Variants in EP300 observed in about 807,000 individuals in gnomAD.
EP300 encodes the protein EP300 lysine acetyltransferase.
In EP300, 31 loss-of-function variants were observed where a neutral mutation model predicts 264.0. That is an observed-to-expected ratio of 0.12 (90% CI 0.09 to 0.16). EP300 has a LOEUF of 0.16. Ranked by LOEUF, EP300 falls within the 10% of genes least tolerant of loss-of-function variation. The pLI, the probability that EP300 is intolerant of heterozygous loss-of-function variation, is 1.00. For missense variants in EP300, 2,766 were observed against 3,052.9 expected (o/e 0.91, Z 2.21); for synonymous variants, 1,340 against 1,045.4 (o/e 1.28, Z -5.44).
chr22:41,165,654 C>A (rs2059130017), intron 22 of EP300, among the ~76,000 whole-genome samples: 2 of 152,200 alleles, frequency 1.3e-5, no homozygotes, highest in South Asian at 4.1e-4. Context: ...AACTCCCGAC[C>A]TCAGGTGATC....
intron 19 of EP300, 102 bp from the exon 20 acceptor site, chr22:41,160,540 G>A (rs751734947): frequency 9.0e-5 from 90 of 1,001,574 alleles, no homozygotes; most frequent in South Asian, 6.0e-4. Context: ...CTCTGCTCCC[G>A]TCCCCCTCCT....
At chr22:41,108,659 C>T (rs560013138) in intron 1 of EP300, among the ~76,000 whole-genome samples, 117 of 152,236 alleles carry the variant, frequency 7.7e-4, no homozygotes, top group Middle Eastern at 3.4e-3. Flanking sequence ...AAATACTGCT[C>T]CTTGTGAAGC....
At chr22:41,171,142 T>C (rs2059168441) in intron 27 of EP300, among the ~76,000 whole-genome samples, 1 of 151,928 alleles carries the variant, frequency 6.6e-6, no homozygotes, top group Non-Finnish European at 1.5e-5. Context: ...CAAAATTTTA[T>C]TTTATTTATT....
intron 13 of EP300, 53 bp from the exon 14 acceptor site, chr22:41,149,707 AT>A: frequency 6.4e-7 from 1 of 1,565,162 alleles, no homozygotes. Flanking sequence ...CTATGTAAGT[AT>A]TTCCTTAATT....
At chr22:41,132,567 G>A (rs559919625) in intron 6 of EP300, among the ~76,000 whole-genome samples, 4 of 151,984 alleles carry the variant, frequency 2.6e-5, no homozygotes, top group African/African-American at 7.2e-5. Flanking sequence ...GATTACAGGC[G>A]TGAGCTACTG....
In EP300 at chr22:41,177,395, C is replaced by T. The variant is rs2145517098; in HGVS notation, c.5684C>T (p.Pro1895Leu). 3.1e-6 allele frequency: 5 copies of T among 1,614,148 alleles called. 1 individual carries two copies. Among genetic ancestry groups the T allele is most frequent in the South Asian group, 1.1e-5 (1 of 91,088 alleles). ...PYLPRTQAAG[P>L]VSQGKAAGQV... The stretch of plus-strand genomic sequence containing the variant: ...TTGCCCAGGACTCAAGCTGCTGGCC[C>T]TGTGTCCCAGGGTAAGGCAGCAGGC... Residue 1895 changes from proline (P) to leucine (L), a missense_variant, in exon 31 of 31, where the codon CCT becomes CTT. Pro to Leu is a moderately conservative substitution (Grantham distance 98). Transcript: ENST00000263253.
At chr22:41,093,135 T>A in intron 1 of EP300, 37 bp downstream of exon 1, 1 of 1,591,540 alleles carries the variant, frequency 6.3e-7, no homozygotes, top group Non-Finnish European at 8.6e-7. Flanking sequence ...ACGTTCCCTT[T>A]AATCTTTTCT....
In EP300 at chr22:41,155,359, G is replaced by C. The variant is rs2059071185; in HGVS notation, c.3261+246G>C. On this transcript the variant is annotated intron_variant, in intron 17 of 30. Transcript: ENST00000263253. Reference sequence around the variant, plus strand: ...TTCTCCCACCTCAGCATCCTGAGTAGCTGGGATAACTACATTCATGTGCCA... The same window carrying C: ...TTCTCCCACCTCAGCATCCTGAGTACCTGGGATAACTACATTCATGTGCCA... Among the ~76,000 whole-genome samples, 3 of 152,028 alleles carry C rather than the reference G, an allele frequency of 2.0e-5. No individual in the cohort carries two copies. The South Asian group carries it at 6.2e-4, about 31-fold the overall frequency.
intron 11 of EP300, 69 bp downstream of exon 11, chr22:41,146,885 C>T (rs1156324751): frequency 1.1e-5 from 14 of 1,329,716 alleles, no homozygotes; most frequent in Non-Finnish European, 1.1e-6. Flanking sequence ...TACTTGCTAC[C>T]TGAACACCCG....
Position 41,150,238 on chromosome 22 carries a change from A to G in EP300, c.2817+40A>G, listed in dbSNP as rs531578304. Reference sequence around the variant, plus strand: ...GGATTTAGGCAGAATCATTAGAGCTATACTGTAGTATTATATTACTTCTGG... The same window carrying G: ...GGATTTAGGCAGAATCATTAGAGCTGTACTGTAGTATTATATTACTTCTGG... On this transcript the variant is annotated intron_variant, in intron 14 of 30. Coordinates refer to ENST00000263253, the MANE Select transcript of EP300 (RefSeq NM_001429.4). 34 of 1,550,498 alleles carry G rather than the reference A, an allele frequency of 2.2e-5. No homozygotes were observed. The East Asian group carries it at 3.1e-4, about 14-fold the overall frequency.
At chr22:41,141,709 C>T (rs2058983559) in intron 10 of EP300, among the ~76,000 whole-genome samples, 1 of 150,708 alleles carries the variant, frequency 6.6e-6, no homozygotes, top group Admixed American at 6.6e-5. Context: ...CAGAGTCTCA[C>T]TCCGTCACCC....
chr22:41,138,165 G>T (rs1291718597), intron 8 of EP300, among the ~76,000 whole-genome samples: 1 of 151,932 alleles, frequency 6.6e-6, no homozygotes, highest in Non-Finnish European at 1.5e-5. Flanking sequence ...GGTAGAGCAG[G>T]GGTTTTTTGT....
Position 41,177,641 on chromosome 22 carries a change from G to A in EP300, c.5930G>A (p.Ser1977Asn). 6.2e-7 allele frequency: 1 copy of A among 1,614,076 alleles called. No homozygotes were observed. Among genetic ancestry groups the A allele is most frequent in the Non-Finnish European group, 8.5e-7 (1 of 1,180,038 alleles). ...MNPPPMTRGPSGHLEPGMGPT... is the reference protein window; with the variant it reads ...MNPPPMTRGPNGHLEPGMGPT... ...CCACCTCCCATGACCAGAGGTCCCA[G>A]TGGGCATTTGGAGCCAGGGATGGGA... is the stretch of plus-strand genomic sequence containing the variant. The change falls in exon 31 of 31, where the codon AGT becomes AAT. Residue 1977 changes from serine to asparagine, a missense_variant. Physicochemically the swap from Ser to Asn is conservative, Grantham distance 46. Coordinates refer to ENST00000263253, the MANE Select transcript of EP300 (RefSeq NM_001429.4).
intron 1 of EP300, among the ~76,000 whole-genome samples, chr22:41,102,804 G>A (rs2145678771): frequency 6.6e-6 from 1 of 152,168 alleles, no homozygotes; most frequent in East Asian, 1.9e-4. Context: ...GACAAATCAA[G>A]GATAATTCCC....
chr22:41,123,663 A>AGAAG (rs1452899795), intron 2 of EP300, among the ~76,000 whole-genome samples: 2 of 152,184 alleles, frequency 1.3e-5, no homozygotes, highest in Non-Finnish European at 2.9e-5. Flanking sequence ...ATCTTGAGTT[A>AGAAG]TTCTGAGTGT....
chr22:41,092,708 G>A lies in EP300; in HGVS notation c.-297G>A. Reference sequence around the variant, plus strand: ...GGCCGGGGACTGCGCCTCTAGAGCCGCGAGTTCTCGGGAATTCGCCGCAGC... The same window carrying A: ...GGCCGGGGACTGCGCCTCTAGAGCCACGAGTTCTCGGGAATTCGCCGCAGC... On this transcript the variant is annotated 5_prime_UTR_variant, in exon 1 of 31. Coordinates refer to ENST00000263253, the MANE Select transcript of EP300 (RefSeq NM_001429.4). The A allele has an allele frequency of 1.6e-6, 1 of 615,372 alleles. No homozygotes were observed. Among genetic ancestry groups the A allele is most frequent in the South Asian group, 2.0e-5 (1 of 49,720 alleles). The allele number at this position is 615,372 out of a possible 1,614,324, so 38.1% of individuals were successfully genotyped here.
intron 12 of EP300, 108 bp from the exon 13 acceptor site, chr22:41,148,930 C>G (rs930361439): frequency 4.6e-6 from 7 of 1,507,982 alleles, no homozygotes; most frequent in Non-Finnish European, 6.4e-6. Context: ...CTGTCTTTGG[C>G]TTTTCTCTAC....
intron 1 of EP300, among the ~76,000 whole-genome samples, chr22:41,115,314 T>G (rs1439757872): frequency 6.6e-6 from 1 of 152,166 alleles, no homozygotes; most frequent in African/African-American, 2.4e-5. Context: ...AGTCTCCTAA[T>G]GATAATAGAG....
chr22:41,131,368 A>G lies in EP300; in HGVS notation c.1283-20A>G, dbSNP rs138758404. 6.5e-5 allele frequency: 104 copies of G among 1,612,358 alleles called. No homozygotes were observed. In the African/African-American group the frequency reaches 1.1e-3, roughly 17 times the overall value. On this transcript the variant is annotated intron_variant, in intron 5 of 30. Coordinates refer to ENST00000263253, the MANE Select transcript of EP300 (RefSeq NM_001429.4). ...CTCACCAGCATTAATTTGTAATACT[A>G]TATCTTTTGTCTTCTCTAGCAATTT...
Sources: gnomAD v4.1 joint callset for allele counts (sites outside exome capture counted in the v4.1 genomes callset) on GRCh38, gnomAD v4.1.1 for gene constraint, MANE v1.5 for transcripts, NCBI Gene and HGNC (gene_info 2026-07-23, HGNC 2026-07-21) for gene names.